LUZP1: variants seen among roughly 807,000 people sequenced by gnomAD.
LUZP1 encodes the protein leucine zipper protein 1, also known as filamin mechanobinding actin cross-linking protein.
LUZP1 carries 25 observed loss-of-function variants against 71.3 expected under a neutral mutation model. The ratio of observed to expected loss-of-function variants is 0.35; its 90% confidence interval spans 0.26 to 0.49. The LOEUF is 0.49. Among genes scored for constraint, LUZP1 ranks in the 20% least tolerant of loss-of-function variants. LUZP1 has a pLI of 0.99. For synonymous variants in LUZP1, 481 were observed against 506.4 expected, an observed-to-expected ratio of 0.95 and a Z score of 0.67; for missense variants, 1,142 against 1,300.8, an observed-to-expected ratio of 0.88 and a Z score of 1.88.
In LUZP1 at chr1:23,094,266, A is replaced by G; in HGVS notation, c.-5T>C. On this transcript the variant is annotated 5_prime_UTR_variant, in exon 4 of 5. An upstream open reading frame in the 5' UTR loses its in-frame stop. Coordinates refer to ENST00000302291, the Ensembl canonical transcript of LUZP1. The surrounding 1 kb of genome is among the most constrained non-coding windows in gnomAD (Gnocchi z 4.7). ...GTAGCTTGTAAATTCGGCCATGTCT[A>G]CTGCCAGCCAATGTGGGCTCCTAGA... is the stretch of plus-strand genomic sequence containing the variant. The G allele has an allele frequency of 6.3e-7, 1 of 1,590,936 alleles. No individual in the cohort carries two copies. Among genetic ancestry groups the G allele is most frequent in the Non-Finnish European group, 8.5e-7 (1 of 1,170,312 alleles).
At chr1:23,165,892 T>C (rs1309643972) in intron 2 of LUZP1, among the ~76,000 whole-genome samples, 2 of 152,032 alleles carry the variant, frequency 1.3e-5, no homozygotes, top group East Asian at 1.9e-4. Context: ...CCATTAGCTA[T>C]CCATCAACTT....
At chr1:23,106,350 C>A (rs1643981101) in intron 3 of LUZP1, among the ~76,000 whole-genome samples, 1 of 152,134 alleles carries the variant, frequency 6.6e-6, no homozygotes, top group Non-Finnish European at 1.5e-5. Flanking sequence ...TGCCTATAAT[C>A]CTAGCGCACT....
intron 2 of LUZP1, among the ~76,000 whole-genome samples, chr1:23,146,525 C>T (rs957411962): frequency 2.6e-5 from 4 of 152,242 alleles, no homozygotes; most frequent in South Asian, 2.1e-4. Context: ...GACCCCCATG[C>T]GGTGCCTCAC....
At chr1:23,125,108 A>C (rs1644161656) in intron 2 of LUZP1, among the ~76,000 whole-genome samples, 1 of 152,020 alleles carries the variant, frequency 6.6e-6, no homozygotes, top group Non-Finnish European at 1.5e-5. Flanking sequence ...AAGTTAGAAA[A>C]CCCTGTCCTC....
chr1:23,122,875 C>T (rs943208312), intron 2 of LUZP1, among the ~76,000 whole-genome samples: 9 of 152,226 alleles, frequency 5.9e-5, no homozygotes, highest in South Asian at 4.1e-4. Flanking sequence ...ATGCTTTTAA[C>T]GTTTCTTTTC....
Position 23,103,759 on chromosome 1 carries a change from C to T in LUZP1, c.-120+5263G>A, listed in dbSNP as rs72877213. ...GTAATTTTTTTATTGCTGTATTCCC[C>T]GCCCCTTGAACAGTGCCTAGTACAT... On this transcript the variant is annotated intron_variant, in intron 3 of 4. Transcript: ENST00000302291. 4.6e-3 allele frequency among the ~76,000 whole-genome samples: 691 copies of T among 149,202 alleles called. 4 individuals are homozygous for T. The highest frequency in any genetic ancestry group is 0.016 in the African/African-American group (662 of 40,296).
At chr1:23,163,464 GA>G (rs771199895) in intron 2 of LUZP1, among the ~76,000 whole-genome samples, 9 of 150,800 alleles carry the variant, frequency 6.0e-5, no homozygotes, top group Admixed American at 2.7e-4. Flanking sequence ...GCTGAGGAAG[GA>G]GAACTGCCTA....
exon 4 of LUZP1, chr1:23,092,989 T>G (rs1643871741): frequency 5.0e-6 from 8 of 1,614,160 alleles, no homozygotes; most frequent in Non-Finnish European, 6.8e-6. Flanking sequence ...TTGGTGAAAC[T>G]GGGAGAAGAA....
chr1:23,171,117 T>TATATAA (rs1557702539), intron 1 of LUZP1, among the ~76,000 whole-genome samples: 1 of 136,174 alleles, frequency 7.3e-6, no homozygotes, highest in African/African-American at 2.9e-5. Flanking sequence ...TATATATATA[T>TATATAA]AATTACTGTA....
At chr1:23,176,530 C>A (rs1257613192) in intron 1 of LUZP1, among the ~76,000 whole-genome samples, 1 of 152,194 alleles carries the variant, frequency 6.6e-6, no homozygotes, top group African/African-American at 2.4e-5. Context: ...GACAGACCCA[C>A]AAAATCTTGC....
chr1:23,171,693 T>A (rs201525405), intron 1 of LUZP1, among the ~76,000 whole-genome samples: 1 of 152,230 alleles, frequency 6.6e-6, no homozygotes, highest in South Asian at 2.1e-4. Flanking sequence ...TAATAAATTA[T>A]AGCTTATTTT....
At chr1:23,098,474 G>A (rs1196193765) in intron 3 of LUZP1, among the ~76,000 whole-genome samples, 1 of 152,158 alleles carries the variant, frequency 6.6e-6, no homozygotes, top group African/African-American at 2.4e-5. Flanking sequence ...GTAGGGAGAA[G>A]TAGAGAACAA....
intron 3 of LUZP1, among the ~76,000 whole-genome samples, chr1:23,097,309 C>G (rs1286826958): frequency 1.3e-5 from 2 of 152,144 alleles, no homozygotes; most frequent in African/African-American, 2.4e-5. Flanking sequence ...CACTTCTCAG[C>G]AGAAACTTTT....
At position 23,176,823 on chromosome 1, in the gene LUZP1, C is replaced by A. The variant is rs188025123; in HGVS notation, c.-485+668G>T. On this transcript the variant is annotated intron_variant, in intron 1 of 4. Coordinates refer to ENST00000302291, the Ensembl canonical transcript of LUZP1. Reference sequence around the variant, plus strand: ...GGCTATAGACATAGAGGAACCTCAACCTCTCATGAAGCTGGGGTCCTCAAA... The same window carrying A: ...GGCTATAGACATAGAGGAACCTCAAACTCTCATGAAGCTGGGGTCCTCAAA... Among the ~76,000 whole-genome samples the A allele has an allele frequency of 6.0e-4, 91 of 152,262 alleles. 1 individual carries two copies. The highest frequency in any genetic ancestry group is 4.6e-3 in the Admixed American group (71 of 15,286).
intron 2 of LUZP1, among the ~76,000 whole-genome samples, chr1:23,124,787 C>T (rs1644158294): frequency 6.6e-6 from 1 of 152,152 alleles, no homozygotes. Flanking sequence ...CATCACCTGA[C>T]TTCATATTCT....
chr1:23,131,073 G>T (rs1304183708), intron 2 of LUZP1, among the ~76,000 whole-genome samples: 2 of 151,822 alleles, frequency 1.3e-5, no homozygotes, highest in African/African-American at 4.8e-5. Flanking sequence ...ACAAAAATTA[G>T]CCAGGCGTGG....
chr1:23,174,096 TG>T (rs1644569484), intron 1 of LUZP1, among the ~76,000 whole-genome samples: 1 of 152,112 alleles, frequency 6.6e-6, no homozygotes, highest in African/African-American at 2.4e-5. Context: ...CACAAGATTA[TG>T]GAAGCAGAGA....
chr1:23,113,499 G>A (rs763577245), intron 2 of LUZP1, among the ~76,000 whole-genome samples: 1 of 152,136 alleles, frequency 6.6e-6, no homozygotes, highest in Non-Finnish European at 1.5e-5. Flanking sequence ...ACAATCAGCA[G>A]AGGGCAACTC....
At chr1:23,135,999 C>T (rs932647291) in intron 2 of LUZP1, among the ~76,000 whole-genome samples, 7 of 152,088 alleles carry the variant, frequency 4.6e-5, no homozygotes. Flanking sequence ...TCTGCTAGTA[C>T]TTAATTATAC....
Sources: allele counts gnomAD v4.1 joint callset (sites outside exome capture counted in the v4.1 genomes callset), GRCh38; gene constraint gnomAD v4.1.1; non-coding constraint Gnocchi (gnomAD v3.1); transcripts MANE v1.5; gene names NCBI Gene and HGNC (gene_info 2026-07-23, HGNC 2026-07-21).